Variants in MDGA2 observed in about 807,000 individuals in gnomAD.
The protein encoded by MDGA2 is MAM domain-containing glycosylphosphatidylinositol anchor protein 2.
Under a neutral mutation model 117.8 loss-of-function variants are expected in MDGA2, and 40 were observed. That is an observed-to-expected ratio of 0.34 (90% CI 0.26 to 0.44). The LOEUF is 0.44. MDGA2 is among the 20% of genes least tolerant of loss of function. MDGA2 has a pLI of 1.00. For missense variants in MDGA2, 1,123 were observed against 1,250.6 expected (o/e 0.90, Z 1.54); for synonymous variants, 452 against 439.0 (o/e 1.03, Z -0.37).
At chr14:47,377,248 T>C (rs536465639) in intron 1 of MDGA2, among the ~76,000 whole-genome samples, 1 of 152,256 alleles carries the variant, frequency 6.6e-6, no homozygotes, top group Non-Finnish European at 1.5e-5. Context: ...ATTACAGTCA[T>C]TCCAAGATGG....
At chr14:47,332,380 A>G (rs922505556) in intron 1 of MDGA2, among the ~76,000 whole-genome samples, 14 of 152,004 alleles carry the variant, frequency 9.2e-5, no homozygotes, top group African/African-American at 3.4e-4. Context: ...CATGCTGTTG[A>G]ATCCAAACAA....
intron 2 of MDGA2, among the ~76,000 whole-genome samples, chr14:47,274,737 T>C (rs1888257420): frequency 6.6e-6 from 1 of 152,146 alleles, no homozygotes; most frequent in Non-Finnish European, 1.5e-5. Context: ...TTATTGACCT[T>C]ATTTTTGTTC....
At chr14:47,609,445 A>ATATATC (rs1199312221) in intron 1 of MDGA2, among the ~76,000 whole-genome samples, 1 of 93,716 alleles carries the variant, frequency 1.1e-5, no homozygotes, top group African/African-American at 4.5e-5. Context: ...ATATATATAT[A>ATATATC]TATATATATA....
intron 1 of MDGA2, among the ~76,000 whole-genome samples, chr14:47,665,496 G>C (rs1202941047): frequency 6.6e-6 from 1 of 152,174 alleles, no homozygotes; most frequent in South Asian, 2.1e-4. Flanking sequence ...GCTGAGGCTG[G>C]AGCCGGCTCC....
chr14:47,476,772 G>A (rs1038827841), intron 1 of MDGA2, among the ~76,000 whole-genome samples: 10 of 152,120 alleles, frequency 6.6e-5, no homozygotes, highest in African/African-American at 1.9e-4. Context: ...ATAAAAACAT[G>A]ACTTTTGTAC....
chr14:46,857,824 T>G (rs1881330381), intron 14 of MDGA2, among the ~76,000 whole-genome samples: 6 of 151,894 alleles, frequency 4.0e-5, no homozygotes. Flanking sequence ...CTAGCTAATT[T>G]ATTTATCTTT....
At chr14:47,129,255 C>T (rs1228641425) in intron 5 of MDGA2, among the ~76,000 whole-genome samples, 1 of 150,620 alleles carries the variant, frequency 6.6e-6, no homozygotes, top group East Asian at 1.9e-4. Flanking sequence ...CCCGACCCCA[C>T]AACAGTCCCC....
chr14:47,570,963 CA>C (rs1196414538), intron 1 of MDGA2, among the ~76,000 whole-genome samples: 4 of 152,136 alleles, frequency 2.6e-5, no homozygotes, highest in Non-Finnish European at 5.9e-5. Flanking sequence ...TCAGAGTGAA[CA>C]GGCAACCTAC....
intron 1 of MDGA2, among the ~76,000 whole-genome samples, chr14:47,546,599 A>C (rs1895467408): frequency 6.6e-6 from 1 of 152,166 alleles, no homozygotes; most frequent in Non-Finnish European, 1.5e-5. Context: ...CAAATGTAGA[A>C]GTTTTGCTTT....
intron 7 of MDGA2, among the ~76,000 whole-genome samples, chr14:47,057,472 TA>T (rs553260054): frequency 7.2e-4 from 108 of 150,164 alleles, no homozygotes; most frequent in South Asian, 1.0e-3. Context: ...AATTTTAAAT[TA>T]AAAAAAAAAT....
At chr14:47,650,147 G>A (rs1317810471) in intron 1 of MDGA2, among the ~76,000 whole-genome samples, 1 of 152,062 alleles carries the variant, frequency 6.6e-6, no homozygotes, top group East Asian at 2.0e-4. Flanking sequence ...CCTCCTGCCT[G>A]ACTGCCTTCA....
intron 1 of MDGA2, among the ~76,000 whole-genome samples, chr14:47,443,302 G>A (rs1360386251): frequency 1.3e-5 from 2 of 152,038 alleles, no homozygotes; most frequent in Non-Finnish European, 1.5e-5. Context: ...TAAATTTGTG[G>A]GTAGAAGACA....
intron 1 of MDGA2, among the ~76,000 whole-genome samples, chr14:47,516,174 T>G (rs1219120560): frequency 6.6e-6 from 1 of 152,156 alleles, no homozygotes; most frequent in Non-Finnish European, 1.5e-5. Flanking sequence ...TCATCAGTCC[T>G]TTATAGCACA....
intron 6 of MDGA2, among the ~76,000 whole-genome samples, chr14:47,073,576 C>A (rs981711424): frequency 6.6e-6 from 1 of 152,088 alleles, no homozygotes; most frequent in Non-Finnish European, 1.5e-5. Context: ...GATGAAGAGC[C>A]TAGTGATGGG....
chr14:47,394,207 A>C (rs1891957687), intron 1 of MDGA2, among the ~76,000 whole-genome samples: 1 of 152,164 alleles, frequency 6.6e-6, no homozygotes, highest in African/African-American at 2.4e-5. Context: ...CATTCATTTG[A>C]AATTTTAAAC....
chr14:47,342,937 C>T (rs1317207033), intron 1 of MDGA2: 1 of 539,660 alleles, frequency 1.9e-6, no homozygotes, highest in South Asian at 1.5e-5. Flanking sequence ...TAGGGAAAAC[C>T]ATACCTTCTG....
intron 1 of MDGA2, among the ~76,000 whole-genome samples, chr14:47,307,146 T>C (rs1889478592): frequency 6.6e-6 from 1 of 152,224 alleles, no homozygotes; most frequent in African/African-American, 2.4e-5. Context: ...ATGTTCAATG[T>C]AGCACGTGTA....
chr14:47,660,639 G>A (rs759216598), intron 1 of MDGA2, among the ~76,000 whole-genome samples: 6 of 152,262 alleles, frequency 3.9e-5, no homozygotes, highest in South Asian at 4.2e-4. Context: ...AGCAATACTC[G>A]GAGGGAACTC....
Position 46,872,994 on chromosome 14 carries a change from G to GA in MDGA2, c.2752+438dup, listed in dbSNP as rs57820221. ...TGTGTTTGGCATACTTTAAAAACAT[G>GA]AAAAAAATCACACCAACGTTTCAAA... is the stretch of plus-strand genomic sequence containing the variant. On this transcript the variant is annotated intron_variant, in intron 14 of 16. Transcript: ENST00000399232. Among the ~76,000 whole-genome samples, 82 of 151,746 alleles carry GA rather than the reference G, an allele frequency of 5.4e-4. No individual in the cohort carries two copies. In the Middle Eastern group the frequency reaches 0.014, roughly 25 times the overall value.
Sources: gnomAD v4.1 joint callset for allele counts (sites outside exome capture counted in the v4.1 genomes callset) on GRCh38, gnomAD v4.1.1 for gene constraint, MANE v1.5 for transcripts, NCBI Gene and HGNC (gene_info 2026-07-23, HGNC 2026-07-21) for gene names.